The following PTH2R variants were observed in gnomAD, a reference collection of about 807,000 sequenced individuals.
PTH2R encodes parathyroid hormone 2 receptor.
In PTH2R, 59 loss-of-function variants were observed where a neutral mutation model predicts 60.3. That is an observed-to-expected ratio of 0.98 (90% confidence interval 0.79 to 1.22). The LOEUF is 1.22. Among genes scored for constraint, PTH2R ranks in the 50% most tolerant of loss-of-function variants. The probability of loss-of-function intolerance (pLI) is 0.00; values close to 1 mark genes in which losing one functional copy is unlikely to be tolerated. For missense variants in PTH2R, 749 were observed against 682.6 expected (o/e 1.10, Z -1.08); for synonymous variants, 256 against 243.8 (o/e 1.05, Z -0.47).
At chr2:208,457,024 A>G (rs1189959231) in intron 8 of PTH2R, among the ~76,000 whole-genome samples, 5 of 152,300 alleles carry the variant, frequency 3.3e-5, no homozygotes, top group South Asian at 2.1e-4. Flanking sequence ...TTGAATCCCA[A>G]TGTGTTAGGA....
chr2:208,492,727 T>G (rs988718529), intron 12 of PTH2R, among the ~76,000 whole-genome samples: 1 of 152,082 alleles, frequency 6.6e-6, no homozygotes, highest in Admixed American at 6.6e-5. Context: ...TATCATCAGG[T>G]GTGTGCTGGC....
At chr2:208,406,773 G>A, upstream of PTH2R, 1 of 330,378 alleles carries the variant, frequency 3.0e-6, no homozygotes, top group Non-Finnish European at 5.5e-6. Flanking sequence ...CAGGCGGCGC[G>A]GGGCTGCGAG....
intron 2 of PTH2R, among the ~76,000 whole-genome samples, chr2:208,433,434 C>T (rs1702012920): frequency 6.6e-6 from 1 of 152,168 alleles, no homozygotes; most frequent in African/African-American, 2.4e-5. Flanking sequence ...TCCATTTTTA[C>T]ATTCTTCTAA....
At chr2:208,443,809 G>A (rs1396675998) in intron 6 of PTH2R, among the ~76,000 whole-genome samples, 1 of 152,094 alleles carries the variant, frequency 6.6e-6, no homozygotes, top group Admixed American at 6.5e-5. Context: ...TTTGGCATAG[G>A]CACCACAGCA....
Position 208,443,491 on chromosome 2 carries a change from A to T in PTH2R, c.653A>T (p.Asp218Val). The T allele has an allele frequency of 6.2e-7, 1 of 1,612,398 alleles. No homozygotes were observed. Among genetic ancestry groups the T allele is most frequent in the Non-Finnish European group, 8.5e-7 (1 of 1,179,470 alleles). The change falls in exon 6 of 13, where the codon GAC (aspartate) becomes GTC (valine). Residue 218 changes from aspartate to valine, a missense_variant. Asp to Val is a radical substitution (Grantham distance 152). Transcript: ENST00000272847. ...KELESLIMQDDPQNSIEATSV... is the reference protein window; with the variant it reads ...KELESLIMQDVPQNSIEATSV... ...CTGGAGTCCCTAATAATGCAGGATG[A>T]CCCACAAAATTCCATTGAGGCAACT... is the stretch of plus-strand genomic sequence containing the variant.
At chr2:208,452,548 T>G (rs968268253) in intron 8 of PTH2R, among the ~76,000 whole-genome samples, 24 of 152,316 alleles carry the variant, frequency 1.6e-4, no homozygotes, top group African/African-American at 5.8e-4. Flanking sequence ...AAGCTAGAGC[T>G]TATAAATTAG....
At chr2:208,375,667 G>GGTGAC (rs918226275) in intron 1 of PTH2R, among the ~76,000 whole-genome samples, 2 of 152,100 alleles carry the variant, frequency 1.3e-5, no homozygotes, top group Non-Finnish European at 2.9e-5. Flanking sequence ...CAGCCTGTGA[G>GGTGAC]GTGATGTGAT....
At chr2:208,452,234 C>A (rs1574886241) in intron 8 of PTH2R, among the ~76,000 whole-genome samples, 2 of 152,108 alleles carry the variant, frequency 1.3e-5, no homozygotes, top group Non-Finnish European at 2.9e-5. Context: ...TCTCAGCTGT[C>A]AAATGCAGTT....
intron 4 of PTH2R, among the ~76,000 whole-genome samples, chr2:208,438,405 T>C (rs1702120413): frequency 6.6e-6 from 1 of 152,150 alleles, no homozygotes; most frequent in African/African-American, 2.4e-5. Flanking sequence ...AATATATTAA[T>C]TTCAGAGATG....
At chr2:208,368,139 T>C (rs1015269019) in intron 1 of PTH2R, among the ~76,000 whole-genome samples, 3 of 152,198 alleles carry the variant, frequency 2.0e-5, no homozygotes, top group Non-Finnish European at 2.9e-5. Flanking sequence ...ACAGAGCACT[T>C]TACCTGGTAC....
intron 8 of PTH2R, among the ~76,000 whole-genome samples, chr2:208,451,814 C>T (rs1383084388): frequency 6.6e-6 from 1 of 152,124 alleles, no homozygotes; most frequent in African/African-American, 2.4e-5. Context: ...TGCTATAAAT[C>T]ATTTAAAATG....
chr2:208,393,159 A>G (rs2125883679), intron 1 of PTH2R, among the ~76,000 whole-genome samples: 1 of 152,192 alleles, frequency 6.6e-6, no homozygotes. Flanking sequence ...CCCTATTGTA[A>G]AAGACTAAAG....
intron 1 of PTH2R, among the ~76,000 whole-genome samples, chr2:208,363,161 T>G (rs964159085): frequency 6.6e-6 from 1 of 152,150 alleles, no homozygotes; most frequent in African/African-American, 2.4e-5. Context: ...GGTAGTTTTT[T>G]GACCCTCCCC....
chr2:208,376,278 A>G (rs1345604210), intron 1 of PTH2R, among the ~76,000 whole-genome samples: 1 of 152,184 alleles, frequency 6.6e-6, no homozygotes, highest in Non-Finnish European at 1.5e-5. Flanking sequence ...CACTTTACAA[A>G]GTATTACAAA....
chr2:208,438,480 T>A (rs1702121618), intron 4 of PTH2R, among the ~76,000 whole-genome samples: 1 of 152,162 alleles, frequency 6.6e-6, no homozygotes, highest in African/African-American at 2.4e-5. Flanking sequence ...GCAAGAGGGT[T>A]TAATGTAGAG....
intron 2 of PTH2R, among the ~76,000 whole-genome samples, chr2:208,436,867 C>A (rs2105864609): frequency 6.6e-6 from 1 of 152,254 alleles, no homozygotes; most frequent in African/African-American, 2.4e-5. Flanking sequence ...TGGGTTCATC[C>A]AATGCCACCC....
chr2:208,390,516 G>A (rs1701089403), intron 1 of PTH2R, among the ~76,000 whole-genome samples: 1 of 152,182 alleles, frequency 6.6e-6, no homozygotes. Flanking sequence ...AATGGGCCAT[G>A]GTGGATATTG....
intron 4 of PTH2R, among the ~76,000 whole-genome samples, chr2:208,441,333 C>T (rs546681363): frequency 3.6e-4 from 55 of 152,270 alleles, no homozygotes; most frequent in Non-Finnish European, 6.5e-4. Context: ...AGTTGGGGTG[C>T]ACCACCCTTC....
chr2:208,391,906 G>T (rs1225282096), intron 1 of PTH2R, among the ~76,000 whole-genome samples: 1 of 152,110 alleles, frequency 6.6e-6, no homozygotes. Flanking sequence ...CCTCAGTTGG[G>T]GCACAGAGCA....
Sources: gnomAD v4.1 joint callset for allele counts (sites outside exome capture counted in the v4.1 genomes callset) on GRCh38, gnomAD v4.1.1 for gene constraint, MANE v1.5 for transcripts, NCBI Gene and HGNC (gene_info 2026-07-23, HGNC 2026-07-21) for gene names.